MAX: variants seen among roughly 807,000 people sequenced by gnomAD.
MAX encodes protein max.
Under a neutral mutation model 22.3 loss-of-function variants are expected in MAX, and 3 were observed. The ratio of observed to expected loss-of-function variants is 0.13; its 90% CI spans 0.06 to 0.35. The LOEUF is 0.35. MAX is among the 10% of genes least tolerant of loss of function. The pLI, the probability that MAX is intolerant of heterozygous loss-of-function variation, is 1.00. For synonymous variants in MAX, 72 were observed against 77.7 expected (o/e 0.93, Z 0.39); for missense variants, 119 against 209.4 (o/e 0.57, Z 2.66).
At position 65,027,631 on chromosome 14, in the gene MAX, A is replaced by G. The variant is rs775539960; in HGVS notation, c.172-21347T>C. Reference sequence around the variant, plus strand: ...TGAAAGCCAGCAGTGACAGAAACCTAGAGGAGTTCCCCGCCTGCTGACACG... The same window carrying G: ...TGAAAGCCAGCAGTGACAGAAACCTGGAGGAGTTCCCCGCCTGCTGACACG... On this transcript the variant is annotated intron_variant, in intron 3 of 3. Transcript: ENST00000341653. This position sits in a 1 kb window ranked among gnomAD's most constrained non-coding sequence, Gnocchi z 5.7. 14 of 1,614,116 alleles carry G rather than the reference A, an allele frequency of 8.7e-6. No homozygotes were observed. The highest frequency in any genetic ancestry group is 1.2e-5 in the Non-Finnish European group (14 of 1,179,962).
At chr14:65,101,092 T>G (rs2063818228) in intron 2 of MAX, among the ~76,000 whole-genome samples, 1 of 152,270 alleles carries the variant, frequency 6.6e-6, no homozygotes, top group Middle Eastern at 3.2e-3. Flanking sequence ...TCTACGGGTC[T>G]ATAGCAGTCA....
At chr14:65,055,514 T>A (rs1011561245) in intron 3 of MAX, among the ~76,000 whole-genome samples, 1 of 152,116 alleles carries the variant, frequency 6.6e-6, no homozygotes, top group South Asian at 2.1e-4. Context: ...ATTTTTTTTT[T>A]AATTTTTAAT....
chr14:65,076,512 G>A lies in MAX; in HGVS notation c.447C>T (p.Pro149=). 6.2e-7 allele frequency: 1 copy of A among 1,613,912 alleles called. No individual in the cohort carries two copies. The highest frequency in any genetic ancestry group is 8.5e-7 in the Non-Finnish European group (1 of 1,180,014). ...DSSSESEPEE[P]QSRKKLRMEA... is the part of the protein sequence containing the mutation. ...CCATCCGGAGCTTCTTCCTGCTTTG[G>A]GGCTCTTCAGGCTCAGACTCCGAGC... Residue 149 remains proline (P), a synonymous_variant, in exon 5 of 5, where the codon CCC becomes CCT. Transcript: ENST00000358664. This position sits in a 1 kb window ranked among gnomAD's most constrained non-coding sequence, Gnocchi z 6.6.
intron 3 of MAX, among the ~76,000 whole-genome samples, chr14:65,067,409 T>TA (rs1472444652): frequency 6.6e-6 from 1 of 152,172 alleles, no homozygotes; most frequent in Non-Finnish European, 1.5e-5. Flanking sequence ...TTTTACCTAA[T>TA]GGCCTTTTTC....
At chr14:65,037,410 T>G (rs2062222782) in intron 3 of MAX, among the ~76,000 whole-genome samples, 1 of 69,650 alleles carries the variant, frequency 1.4e-5, no homozygotes, top group Admixed American at 1.7e-4. Context: ...GCCCTTTTTT[T>G]TTTTTTTTTT....
At chr14:65,043,989 G>A (rs1423081057) in intron 3 of MAX, among the ~76,000 whole-genome samples, 1 of 152,166 alleles carries the variant, frequency 6.6e-6, no homozygotes, top group Non-Finnish European at 1.5e-5. Flanking sequence ...AAGAGACTTT[G>A]AAGGTCTCCT....
rs2061729089 is a variant in MAX at position 65,014,082 on chromosome 14, G to GGGGTATC, written c.172-7799_172-7798insGATACCC. Among the ~76,000 whole-genome samples, 2 of 152,210 alleles carry GGGGTATC rather than the reference G, an allele frequency of 1.3e-5. No homozygotes were observed. Among genetic ancestry groups the GGGGTATC allele is most frequent in the Non-Finnish European group, 2.9e-5 (2 of 68,046 alleles). On this transcript the variant is annotated intron_variant, in intron 3 of 3. Coordinates refer to the MAX transcript ENST00000341653. The surrounding 1 kb of genome is among the most constrained non-coding windows in gnomAD (Gnocchi z 5.1). ...CTTGGGATATCAGCATAGTTTTGAA[G>GGGGTATC]AGAGCAGCTTGGGCCAACGGAAAGA...
At chr14:65,092,429 C>T (rs984274172) in intron 3 of MAX, among the ~76,000 whole-genome samples, 2 of 152,118 alleles carry the variant, frequency 1.3e-5, no homozygotes, top group Non-Finnish European at 2.9e-5. Context: ...GTCAAAGAAG[C>T]CTAAGAGATA....
chr14:65,066,132 T>G (rs2062929139), intron 3 of MAX, among the ~76,000 whole-genome samples: 1 of 152,164 alleles, frequency 6.6e-6, no homozygotes, highest in Non-Finnish European at 1.5e-5. Flanking sequence ...CATCTGTCAC[T>G]AGGTCAGGGA....
chr14:65,094,174 G>T (rs995548852), intron 2 of MAX: 1 of 333,776 alleles, frequency 3.0e-6, no homozygotes, highest in Admixed American at 4.0e-5. Flanking sequence ...GAAGTGACTA[G>T]AGAAAGCTCC....
At chr14:65,045,881 C>T (rs1051616121) in intron 3 of MAX, among the ~76,000 whole-genome samples, 11 of 152,252 alleles carry the variant, frequency 7.2e-5, no homozygotes, top group African/African-American at 2.7e-4. Flanking sequence ...CCTTGGAACA[C>T]AGCAAGTGCA....
chr14:65,093,236 T>C lies in MAX; in HGVS notation c.171+472A>G, dbSNP rs1028759977. Among the ~76,000 whole-genome samples, 1 of 152,194 alleles carries C rather than the reference T, an allele frequency of 6.6e-6. No individual in the cohort carries two copies. The highest frequency in any genetic ancestry group is 1.5e-5 in the Non-Finnish European group (1 of 68,024). On this transcript the variant is annotated intron_variant, in intron 3 of 4. Transcript: ENST00000358664. This position sits in a 1 kb window ranked among gnomAD's most constrained non-coding sequence, Gnocchi z 4.4. ...CCTTGGAAATAACAATTATTGGGGC[T>C]GGAAAATCAATGGTGCCCAGGTTGT...
intron 3 of MAX, among the ~76,000 whole-genome samples, chr14:65,057,440 A>T (rs971577018): frequency 3.3e-5 from 5 of 152,070 alleles, no homozygotes; most frequent in African/African-American, 1.2e-4. Flanking sequence ...CCCCACAAAA[A>T]TATTTTAATA....
In MAX at chr14:65,029,274, TCA is replaced by T. The variant is rs1259455597; in HGVS notation, c.172-22992_172-22991del. Reference sequence around the variant, plus strand: ...TCTAGTACCCCGATTCCATCATTTTTCACTTGGCATTTCTTTCATTGTCCTTT... The same window carrying T: ...TCTAGTACCCCGATTCCATCATTTTTCTTGGCATTTCTTTCATTGTCCTTT... On this transcript the variant is annotated intron_variant, in intron 3 of 3. Coordinates refer to the MAX transcript ENST00000341653. This position sits in a 1 kb window ranked among gnomAD's most constrained non-coding sequence, Gnocchi z 4.7. Among the ~76,000 whole-genome samples, 40 of 152,380 alleles carry T rather than the reference TCA, an allele frequency of 2.6e-4. No homozygotes were observed. The highest frequency in any genetic ancestry group is 9.4e-4 in the African/African-American group (39 of 41,604).
At chr14:65,075,083 A>AACC, downstream of MAX, 1 of 1,012,432 alleles carries the variant, frequency 9.9e-7, no homozygotes, top group Non-Finnish European at 1.2e-6. This position sits in a 1 kb window ranked among gnomAD's most constrained non-coding sequence, Gnocchi z 4.1. Context: ...GTCTCTCATC[A>AACC]ACCACCTTGG....
chr14:65,036,377 C>G (rs1030906334), intron 3 of MAX, among the ~76,000 whole-genome samples: 1 of 151,780 alleles, frequency 6.6e-6, no homozygotes, highest in African/African-American at 2.4e-5. Context: ...GCCAGGACTG[C>G]AGGTGTATGC....
Position 65,044,875 on chromosome 14 carries a change from A to C in MAX, c.172-38591T>G. Reference sequence around the variant, plus strand: ...AGGCAACTGCGTAAAGGGGTAGAGAACCAGAACCCATGTGTAGGGGTGGGT... The same window carrying C: ...AGGCAACTGCGTAAAGGGGTAGAGACCCAGAACCCATGTGTAGGGGTGGGT... On this transcript the variant is annotated intron_variant, in intron 3 of 3. Coordinates refer to the MAX transcript ENST00000341653. This position sits in a 1 kb window ranked among gnomAD's most constrained non-coding sequence, Gnocchi z 5.5. 1 of 148,366 alleles carries C rather than the reference A, an allele frequency of 6.7e-6. No homozygotes were observed. 9.2% of individuals were successfully genotyped at this position (148,366 alleles called of 1,614,324 possible).
At chr14:65,046,362 A>G (rs2062477328) in intron 3 of MAX, among the ~76,000 whole-genome samples, 1 of 152,230 alleles carries the variant, frequency 6.6e-6, no homozygotes, top group Non-Finnish European at 1.5e-5. Context: ...TAAAATGGTC[A>G]GTCTTTTACA....
intron 3 of MAX, among the ~76,000 whole-genome samples, chr14:65,049,326 C>T (rs1006763214): frequency 6.6e-6 from 1 of 152,124 alleles, no homozygotes; most frequent in Non-Finnish European, 1.5e-5. Context: ...CTACAGATGG[C>T]TGCACCTATC....
Sources: gnomAD v4.1 joint callset for allele counts (sites outside exome capture counted in the v4.1 genomes callset) on GRCh38, gnomAD v4.1.1 for gene constraint, Gnocchi (gnomAD v3.1) non-coding constraint, MANE v1.5 for transcripts, NCBI Gene and HGNC (gene_info 2026-07-23, HGNC 2026-07-21) for gene names.